Variants in PATJ observed in about 807,000 individuals in gnomAD.
PATJ encodes the protein PATJ crumbs cell polarity complex component.
In PATJ, 190 loss-of-function variants were observed where a neutral mutation model predicts 224.9. The ratio of observed to expected loss-of-function variants is 0.84; its 90% CI spans 0.75 to 0.95. The LOEUF is 0.95. PATJ is among the 40% of genes least tolerant of loss of function. PATJ has a pLI of 0.00. For synonymous variants in PATJ, 769 were observed against 820.3 expected (o/e 0.94, Z 1.07); for missense variants, 2,121 against 2,270.3 (o/e 0.93, Z 1.34).
At chr1:61,999,949 C>T (rs1645646166) in intron 28 of PATJ, among the ~76,000 whole-genome samples, 1 of 151,842 alleles carries the variant, frequency 6.6e-6, no homozygotes, top group East Asian at 1.9e-4. Flanking sequence ...GTGGTGTGAT[C>T]GCAGCTCTGC....
chr1:61,842,263 C>A (rs1322810532), intron 17 of PATJ, among the ~76,000 whole-genome samples: 1 of 152,156 alleles, frequency 6.6e-6, no homozygotes, highest in Non-Finnish European at 1.5e-5. Flanking sequence ...CTTAGTGAGG[C>A]AGCTGCAGGG....
intron 33 of PATJ, among the ~76,000 whole-genome samples, chr1:62,099,291 C>G (rs1661812663): frequency 6.8e-6 from 1 of 148,076 alleles, no homozygotes; most frequent in African/African-American, 2.5e-5. Flanking sequence ...AGATCCAAAC[C>G]ATAGTTTTTT....
intron 10 of PATJ, 78 bp from the exon 11 acceptor site, chr1:61,797,209 C>T: frequency 4.1e-6 from 6 of 1,452,856 alleles, no homozygotes; most frequent in African/African-American, 1.4e-5. Context: ...GAAATTGCCT[C>T]ATTTTATTCA....
intron 27 of PATJ, among the ~76,000 whole-genome samples, chr1:61,961,098 C>A (rs1339141315): frequency 6.6e-6 from 1 of 152,124 alleles, no homozygotes; most frequent in Non-Finnish European, 1.5e-5. Context: ...TGGAACAGTA[C>A]CTTTGGGTGA....
At chr1:62,051,422 G>T (rs1316597612) in intron 31 of PATJ, among the ~76,000 whole-genome samples, 1 of 152,192 alleles carries the variant, frequency 6.6e-6, no homozygotes, top group Non-Finnish European at 1.5e-5. Context: ...TGCCTCCCAG[G>T]TTCAAGCGAT....
At chr1:61,994,026 A>G (rs1180316171) in intron 28 of PATJ, among the ~76,000 whole-genome samples, 1 of 152,184 alleles carries the variant, frequency 6.6e-6, no homozygotes, top group Non-Finnish European at 1.5e-5. Flanking sequence ...TTAACTCCCC[A>G]TCACTCCACA....
At chr1:61,964,034 C>T (rs1681709490) in intron 27 of PATJ, among the ~76,000 whole-genome samples, 1 of 152,094 alleles carries the variant, frequency 6.6e-6, no homozygotes, top group African/African-American at 2.4e-5. Flanking sequence ...TTTTAGTTCA[C>T]ACTAAGTTGT....
intron 7 of PATJ, among the ~76,000 whole-genome samples, chr1:61,780,421 C>T (rs1041644639): frequency 2.0e-5 from 3 of 152,074 alleles, no homozygotes; most frequent in Admixed American, 6.6e-5. Context: ...GCCAAGATCA[C>T]GCCACAGCAC....
intron 33 of PATJ, among the ~76,000 whole-genome samples, chr1:62,092,010 C>T (rs1394096134): frequency 2.0e-5 from 3 of 147,612 alleles, no homozygotes; most frequent in East Asian, 2.0e-4. Context: ...GAGCCGAGAT[C>T]GCACCGCTGC....
At chr1:61,995,198 A>G (rs1173592585) in intron 28 of PATJ, among the ~76,000 whole-genome samples, 1 of 152,116 alleles carries the variant, frequency 6.6e-6, no homozygotes, top group Non-Finnish European at 1.5e-5. Flanking sequence ...GATTATACCT[A>G]TTGGGTTTCT....
chr1:62,125,535 A>G (rs1045422516), intron 39 of PATJ, among the ~76,000 whole-genome samples: 5 of 152,154 alleles, frequency 3.3e-5, no homozygotes, highest in African/African-American at 1.2e-4. Flanking sequence ...AAATGTTCCT[A>G]TGATGGGGAA....
chr1:62,096,693 G>T (rs1661435249), intron 33 of PATJ, among the ~76,000 whole-genome samples: 1 of 152,112 alleles, frequency 6.6e-6, no homozygotes, highest in Non-Finnish European at 1.5e-5. Flanking sequence ...TCAGCTCACT[G>T]CAACCTCCTC....
intron 39 of PATJ, among the ~76,000 whole-genome samples, chr1:62,126,942 A>G (rs1665778634): frequency 6.6e-6 from 1 of 152,106 alleles, no homozygotes; most frequent in African/African-American, 2.4e-5. Context: ...TCAGACCAAC[A>G]CTGTCAGGTA....
At chr1:62,146,682 C>A (rs2149022299) in intron 41 of PATJ, among the ~76,000 whole-genome samples, 1 of 152,190 alleles carries the variant, frequency 6.6e-6, no homozygotes, top group Middle Eastern at 3.4e-3. Context: ...GAGGCTGAGG[C>A]AGGAGACTCG....
At chr1:62,084,673 T>C in intron 33 of PATJ, 25 bp downstream of exon 33, 1 of 1,610,938 alleles carries the variant, frequency 6.2e-7, no homozygotes, top group Non-Finnish European at 8.5e-7. Context: ...ATAAAATGTA[T>C]CCACTGTCAT....
chr1:61,997,579 A>G (rs1224254808), intron 28 of PATJ, among the ~76,000 whole-genome samples: 2 of 152,176 alleles, frequency 1.3e-5, no homozygotes, highest in Non-Finnish European at 1.5e-5. Context: ...TTTGCCTGGC[A>G]GTAGGCTGTG....
intron 29 of PATJ, among the ~76,000 whole-genome samples, chr1:62,032,642 G>A (rs1055866027): frequency 2.6e-5 from 4 of 152,164 alleles, no homozygotes; most frequent in East Asian, 1.9e-4. Flanking sequence ...GATCCAGAAT[G>A]TGTGTTTTCC....
chr1:62,023,839 A>G (rs1013521124), intron 29 of PATJ, among the ~76,000 whole-genome samples: 1 of 152,212 alleles, frequency 6.6e-6, no homozygotes, highest in African/African-American at 2.4e-5. Flanking sequence ...CAGATTTTTC[A>G]GAGATGGCTC....
chr1:62,030,922 T>G (rs937786814), intron 29 of PATJ, among the ~76,000 whole-genome samples: 17 of 152,302 alleles, frequency 1.1e-4, no homozygotes, highest in African/African-American at 3.8e-4. Context: ...CTCCTGTAGG[T>G]GAACATTTGG....
Sources: allele counts gnomAD v4.1 joint callset (sites outside exome capture counted in the v4.1 genomes callset), GRCh38; gene constraint gnomAD v4.1.1; transcripts MANE v1.5; gene names NCBI Gene and HGNC (gene_info 2026-07-23, HGNC 2026-07-21).